Variants in GPHN observed in about 807,000 individuals in gnomAD.
GPHN encodes the protein gephyrin.
A neutral mutation model predicts 95.5 loss-of-function variants in GPHN; 17 were observed. The observed-to-expected ratio is 0.18, with a 90% CI of 0.12 to 0.27. The LOEUF (loss-of-function observed/expected upper bound fraction) is 0.27, where lower values mean the gene tolerates loss of function less well. GPHN is among the 10% of genes least tolerant of loss of function. GPHN has a pLI of 1.00. For missense variants in GPHN, 660 were observed against 978.1 expected (o/e 0.67, Z 4.34); for synonymous variants, 320 against 322.5 (o/e 0.99, Z 0.08).
intron 3 of GPHN, among the ~76,000 whole-genome samples, chr14:66,792,279 G>T (rs1313514710): frequency 6.6e-6 from 1 of 152,024 alleles, no homozygotes; most frequent in Non-Finnish European, 1.5e-5. Context: ...CTGACAGGAG[G>T]ATCACTTGAG....
intron 11 of GPHN, among the ~76,000 whole-genome samples, chr14:67,068,288 A>G (rs1449300018): frequency 1.3e-5 from 2 of 152,182 alleles, no homozygotes; most frequent in African/African-American, 4.8e-5. Context: ...TATTTTGACT[A>G]CCGATGAATT....
chr14:67,690,459 A>G, the GPHN span: 30 of 1,576,244 alleles, frequency 1.9e-5, no homozygotes, highest in South Asian at 3.0e-4. Flanking sequence ...GTTCAGGGCC[A>G]TGTAGGAATG....
chr14:67,619,382 G>GC, the GPHN span, among the ~76,000 whole-genome samples: 4 of 152,184 alleles, frequency 2.6e-5, no homozygotes, highest in East Asian at 5.8e-4. Flanking sequence ...AACGTGCCCG[G>GC]CTCAGAGAGC....
chr14:67,463,854 C>T, the GPHN span, among the ~76,000 whole-genome samples: 782 of 152,158 alleles, frequency 5.1e-3, 8 homozygotes, highest in African/African-American at 0.018. Context: ...AGACAGTAAG[C>T]GGTAGAGACA....
the GPHN span, among the ~76,000 whole-genome samples, chr14:67,255,526 G>A: frequency 6.6e-6 from 1 of 152,106 alleles, no homozygotes; most frequent in East Asian, 1.9e-4. Flanking sequence ...AAATACTAAA[G>A]AGCCATGACC....
chr14:67,512,444 AGGTCAGAAATTATCCTT>A, the GPHN span, among the ~76,000 whole-genome samples: 1 of 152,220 alleles, frequency 6.6e-6, no homozygotes, highest in Non-Finnish European at 1.5e-5. Flanking sequence ...AGGCTTTGCC[AGGTCAGAAATTATCCTT>A]GCCTTAAAAG....
At chr14:67,019,991 G>T (rs1412661379) in intron 9 of GPHN, among the ~76,000 whole-genome samples, 8 of 152,146 alleles carry the variant, frequency 5.3e-5, no homozygotes, top group Admixed American at 4.6e-4. Context: ...GTGTGTACAA[G>T]TGGGGTGGAG....
intron 3 of GPHN, among the ~76,000 whole-genome samples, chr14:66,788,117 T>G (rs1039238997): frequency 4.0e-5 from 6 of 148,836 alleles, no homozygotes; most frequent in African/African-American, 1.2e-4. Flanking sequence ...ATTACCAACC[T>G]GGCCAACATG....
At chr14:67,110,009 C>G (rs2078275516) in intron 13 of GPHN, 131 bp from the exon 14 acceptor site, 2 of 787,886 alleles carry the variant, frequency 2.5e-6, no homozygotes, top group East Asian at 2.8e-5. Context: ...TTACACTGGC[C>G]CAAAATGAAT....
At chr14:66,855,971 T>C (rs1003267797) in intron 4 of GPHN, among the ~76,000 whole-genome samples, 2 of 152,170 alleles carry the variant, frequency 1.3e-5, no homozygotes, top group Non-Finnish European at 2.9e-5. Flanking sequence ...ACATTCACAA[T>C]ATAACCACAT....
intron 1 of GPHN, among the ~76,000 whole-genome samples, chr14:66,588,040 G>C (rs1335810804): frequency 2.0e-5 from 3 of 152,174 alleles, no homozygotes; most frequent in Non-Finnish European, 4.4e-5. Context: ...CCAGAGGAAG[G>C]AACAGGTAGC....
chr14:67,550,016 GC>G, the GPHN span, among the ~76,000 whole-genome samples: 1 of 152,170 alleles, frequency 6.6e-6, no homozygotes, highest in African/African-American at 2.4e-5. Context: ...GCCCCATGTG[GC>G]CCAGAGAGGT....
At chr14:67,378,314 C>CA in the GPHN span, among the ~76,000 whole-genome samples, 1 of 107,630 alleles carries the variant, frequency 9.3e-6, no homozygotes, top group African/African-American at 3.4e-5. Context: ...TCTCATGTGA[C>CA]TTTTTTTTTT....
chr14:67,723,787 C>A, the GPHN span, among the ~76,000 whole-genome samples: 1 of 152,260 alleles, frequency 6.6e-6, no homozygotes, highest in Admixed American at 6.5e-5. Context: ...AATGTTAGTT[C>A]TGCCCCTCCG....
the GPHN span, among the ~76,000 whole-genome samples, chr14:67,399,553 A>G: frequency 1.4e-5 from 2 of 139,592 alleles, no homozygotes; most frequent in African/African-American, 5.6e-5. Flanking sequence ...AGAGAAGGGT[A>G]GTTTAGGTGG....
rs557290210 is a variant in GPHN at position 66,644,565 on chromosome 14, A to G, written c.65-36542A>G. ...AGCAAATGGTTATAACATGTCAATC[A>G]GTATTTAAAGCACTTTATTGACTTA... is the stretch of plus-strand genomic sequence containing the variant. On this transcript the variant is annotated intron_variant, in intron 1 of 22. Transcript: ENST00000478722. Among the ~76,000 whole-genome samples, 3 of 152,284 alleles carry G rather than the reference A, an allele frequency of 2.0e-5. No homozygotes were observed. In the South Asian group the frequency reaches 6.2e-4, roughly 32 times the overall value.
rs2061540881 is a variant in GPHN at position 66,589,196 on chromosome 14, C to T, written c.64+80605C>T. Among the ~76,000 whole-genome samples, 3 of 152,106 alleles carry T rather than the reference C, an allele frequency of 2.0e-5. 1 individual carries two copies. Among genetic ancestry groups the T allele is most frequent in the South Asian group, 4.1e-4 (2 of 4,824 alleles). On this transcript the variant is annotated intron_variant, in intron 1 of 22. Coordinates refer to ENST00000478722, the MANE Select transcript of GPHN (RefSeq NM_020806.5). ...ACAAGCAAATGCTGAGAGATTTTGT[C>T]ACCACCAGGCCTTCCTCACAAGAGC...
chr14:66,981,601 A>AT (rs899995986), intron 9 of GPHN, among the ~76,000 whole-genome samples: 1 of 152,148 alleles, frequency 6.6e-6, no homozygotes, highest in Non-Finnish European at 1.5e-5. Context: ...GATAATCATA[A>AT]TTTTTTTAAA....
chr14:67,659,807 C>A, the GPHN span: 1 of 1,614,116 alleles, frequency 6.2e-7, no homozygotes, highest in Non-Finnish European at 8.5e-7. Flanking sequence ...CAAAGGTGTG[C>A]TTCTCACCTC....
Sources: gnomAD v4.1 joint callset for allele counts (sites outside exome capture counted in the v4.1 genomes callset) on GRCh38, gnomAD v4.1.1 for gene constraint, MANE v1.5 for transcripts, NCBI Gene and HGNC (gene_info 2026-07-23, HGNC 2026-07-21) for gene names.